Variants in SRGAP2 observed in about 807,000 individuals in gnomAD.
The protein encoded by SRGAP2 is SLIT-ROBO Rho GTPase activating protein 2, also known as SLIT-ROBO Rho GTPase-activating protein 2.
Under a neutral mutation model 57.2 loss-of-function variants are expected in SRGAP2, and 15 were observed. The ratio of observed to expected loss-of-function variants is 0.26; its 90% CI spans 0.18 to 0.40. The LOEUF is 0.40. Ranked by LOEUF, SRGAP2 falls within the 10% of genes least tolerant of loss-of-function variation. SRGAP2 has a pLI of 1.00. For synonymous variants in SRGAP2, 249 were observed against 248.0 expected (o/e 1.00, Z -0.04); for missense variants, 520 against 669.6 (o/e 0.78, Z 2.47).
chr1:206,454,358 A>G lies in SRGAP2; in HGVS notation c.2361-520A>G. The G allele has an allele frequency of 1.6e-6, 1 of 617,588 alleles. No homozygotes were observed. The highest frequency in any genetic ancestry group is 2.9e-6 in the Non-Finnish European group (1 of 345,386). The allele number at this position is 617,588 out of a possible 1,614,324, so 38.3% of individuals were successfully genotyped here. On this transcript the variant is annotated intron_variant, in intron 20 of 22. Coordinates refer to ENST00000573034, the MANE Select transcript of SRGAP2 (RefSeq NM_015326.5). The surrounding 1 kb of genome is among the most constrained non-coding windows in gnomAD (Gnocchi z 4.3). ...TTTGTCATCAGTAGCCAGAGGGGCC[A>G]GGAGAGCAGTGGAGAGACCTGGGAC... is the stretch of plus-strand genomic sequence containing the variant.
intron 2 of SRGAP2, among the ~76,000 whole-genome samples, chr1:206,253,581 T>C (rs1435962248): frequency 3.6e-5 from 5 of 139,276 alleles, no homozygotes; most frequent in Admixed American, 1.4e-4. Flanking sequence ...TTCTTTTTTT[T>C]TTTTTTTTTT....
At chr1:206,328,149 A>G (rs1186388336) in intron 3 of SRGAP2, among the ~76,000 whole-genome samples, 1 of 94,114 alleles carries the variant, frequency 1.1e-5, no homozygotes, top group Admixed American at 1.1e-4. Context: ...ATCATTTTTT[A>G]TGGCTGCATA....
chr1:206,441,974 C>T (rs1487342667), intron 17 of SRGAP2, among the ~76,000 whole-genome samples: 1 of 152,194 alleles, frequency 6.6e-6, no homozygotes, highest in African/African-American at 2.4e-5. Flanking sequence ...CCAAGGGACC[C>T]AGGTGTTTTT....
rs549156026 is a variant in SRGAP2 at position 206,373,828 on chromosome 1, T to C, written c.424-10186T>C. ...ATAGGCTTAAAATATGTAAATCAAA[T>C]GGGACAGAATTAAAATGGGAACTAG... On this transcript the variant is annotated intron_variant, in intron 4 of 22. Transcript: ENST00000573034. Among the ~76,000 whole-genome samples the C allele has an allele frequency of 6.1e-4, 88 of 143,118 alleles. 2 individuals are homozygous for C. The East Asian group carries it at 0.017, about 28-fold the overall frequency. 93.9% of individuals were successfully genotyped at this position (143,118 alleles called of 152,430 possible). A position where few individuals can be genotyped will look rare whatever the true frequency, so the allele number is the denominator to read the frequency against.
rs1311896616 is a variant in SRGAP2 at position 206,302,340 on chromosome 1, T to C, written c.68-941T>C. On this transcript the variant is annotated intron_variant, in intron 2 of 22. Coordinates refer to ENST00000573034, the MANE Select transcript of SRGAP2 (RefSeq NM_015326.5). ...CTCTTGTCAGTAACAAATGCAGTGC[T>C]GCATTTGAGGCAGATCTGTTCGCAT... is the stretch of plus-strand genomic sequence containing the variant. Among the ~76,000 whole-genome samples, 444 of 152,186 alleles carry C rather than the reference T, an allele frequency of 2.9e-3. 1 individual carries two copies. The highest frequency in any genetic ancestry group is 0.01 in the African/African-American group (433 of 41,484).
chr1:206,348,460 AT>A (rs1675816017), intron 4 of SRGAP2, among the ~76,000 whole-genome samples: 1 of 136,236 alleles, frequency 7.3e-6, no homozygotes, highest in Non-Finnish European at 1.5e-5. Flanking sequence ...AACAGAAATA[AT>A]TTTTCCCACT....
intron 13 of SRGAP2, among the ~76,000 whole-genome samples, chr1:206,422,361 C>T (rs1660397559): frequency 6.6e-6 from 1 of 152,216 alleles, no homozygotes; most frequent in Admixed American, 6.5e-5. Context: ...AGTATGCCAT[C>T]AGATGCAATT....
At chr1:206,332,603 G>C (rs1232211503) in intron 3 of SRGAP2, among the ~76,000 whole-genome samples, 1 of 142,352 alleles carries the variant, frequency 7.0e-6, no homozygotes, top group Admixed American at 6.7e-5. Flanking sequence ...GATCGCATCA[G>C]CTCCTGAGGC....
intron 2 of SRGAP2, among the ~76,000 whole-genome samples, chr1:206,222,853 C>T (rs1553304981): frequency 3.3e-5 from 5 of 150,418 alleles, no homozygotes; most frequent in Non-Finnish European, 1.5e-5. Context: ...GCCTACATCC[C>T]AGGGTGGTTG....
chr1:206,442,510 A>G (rs921611713), intron 17 of SRGAP2, among the ~76,000 whole-genome samples: 9 of 152,314 alleles, frequency 5.9e-5, no homozygotes, highest in Admixed American at 1.3e-4. Context: ...CTGGGGGACT[A>G]TATGTGACAG....
At chr1:206,354,076 C>G (rs1164125935) in intron 4 of SRGAP2, among the ~76,000 whole-genome samples, 2 of 152,184 alleles carry the variant, frequency 1.3e-5, no homozygotes, top group East Asian at 3.8e-4. Context: ...ATTTTTAAAA[C>G]ATAGTTGGCA....
intron 1 of SRGAP2, chr1:206,204,918 C>CCCCCCCCCA (rs1286497011): frequency 7.1e-6 from 1 of 141,024 alleles, no homozygotes; most frequent in African/African-American, 2.9e-5. Flanking sequence ...CCCCCCCCCC[C>CCCCCCCCCA]ATCAACATTT....
chr1:206,448,694 G>A (rs782402140), intron 18 of SRGAP2, among the ~76,000 whole-genome samples: 1 of 152,118 alleles, frequency 6.6e-6, no homozygotes, highest in Non-Finnish European at 1.5e-5. Flanking sequence ...TTACTGGCTG[G>A]CTGTGTAAAT....
intron 2 of SRGAP2, among the ~76,000 whole-genome samples, chr1:206,272,674 AG>A: frequency 6.6e-6 from 1 of 152,336 alleles, no homozygotes; most frequent in South Asian, 2.1e-4. Flanking sequence ...AGCCTCCCAA[AG>A]AGCTGGGATT....
intron 14 of SRGAP2, among the ~76,000 whole-genome samples, chr1:206,430,541 T>G (rs1553368008): frequency 6.6e-6 from 1 of 152,258 alleles, no homozygotes; most frequent in Non-Finnish European, 1.5e-5. Context: ...TCACCATTAC[T>G]CACAGTCTTT....
chr1:206,383,244 C>T, intron 4 of SRGAP2, among the ~76,000 whole-genome samples: 1 of 149,892 alleles, frequency 6.7e-6, no homozygotes, highest in East Asian at 1.9e-4. Flanking sequence ...ATGCTGGTCT[C>T]GAATTCCTGA....
chr1:206,307,403 G>A (rs1275293114), intron 3 of SRGAP2, among the ~76,000 whole-genome samples: 6 of 152,212 alleles, frequency 3.9e-5, no homozygotes, highest in Non-Finnish European at 7.3e-5. Flanking sequence ...AGTGGATCCC[G>A]CACCGGGGCT....
At chr1:206,290,552 G>T (rs1249764537) in intron 2 of SRGAP2, among the ~76,000 whole-genome samples, 1 of 143,830 alleles carries the variant, frequency 7.0e-6, no homozygotes, top group South Asian at 2.3e-4. Context: ...TGAGGCAAGA[G>T]AATTGCTTGA....
At chr1:206,304,283 G>T (rs1257995558) in intron 3 of SRGAP2, among the ~76,000 whole-genome samples, 2 of 140,970 alleles carry the variant, frequency 1.4e-5, no homozygotes, top group African/African-American at 5.6e-5. Flanking sequence ...AGAAATCTGG[G>T]CCCCACTCCA....
Sources: gnomAD v4.1 joint callset for allele counts (sites outside exome capture counted in the v4.1 genomes callset) on GRCh38, gnomAD v4.1.1 for gene constraint, Gnocchi (gnomAD v3.1) non-coding constraint, MANE v1.5 for transcripts, NCBI Gene and HGNC (gene_info 2026-07-23, HGNC 2026-07-21) for gene names.